The following AFF2 variants were observed in gnomAD, a reference collection of about 807,000 sequenced individuals.
AFF2 encodes ALF transcription elongation factor 2, also known as AF4/FMR2 family member 2.
Under a neutral mutation model 76.9 loss-of-function variants are expected in AFF2, and 14 were observed. That is an observed-to-expected ratio of 0.18 (90% CI 0.12 to 0.28). The LOEUF is 0.28. Among genes scored for constraint, AFF2 ranks in the 10% least tolerant of loss-of-function variants. AFF2 has a pLI of 1.00. For synonymous variants in AFF2, 398 were observed against 366.7 expected, an observed-to-expected ratio of 1.09 and a Z score of -0.98; for missense variants, 868 against 1,001.1, an observed-to-expected ratio of 0.87 and a Z score of 1.79.
At chrX:148,923,611 T>TA (rs3216391) in intron 9 of AFF2, among the ~76,000 whole-genome samples, 156 of 104,977 alleles carry the variant, frequency 1.5e-3, no homozygotes, top group Middle Eastern at 4.9e-3. Context: ...GGGCATGTGT[T>TA]AAAAAAAAAA....
At chrX:148,569,138 A>G (rs981029356) in intron 1 of AFF2, among the ~76,000 whole-genome samples, 4 of 110,720 alleles carry the variant, frequency 3.6e-5, no homozygotes, top group African/African-American at 1.3e-4. Context: ...AAATGGTAGT[A>G]GTAAAAATGA....
chrX:148,773,352 A>G (rs896591213), intron 3 of AFF2, among the ~76,000 whole-genome samples: 1 of 110,909 alleles, frequency 9.0e-6, no homozygotes, highest in Non-Finnish European at 1.9e-5. Flanking sequence ...AATAGTGACT[A>G]TATATTTCAT....
At chrX:148,738,403 T>A (rs1266240281) in intron 3 of AFF2, among the ~76,000 whole-genome samples, 2 of 111,366 alleles carry the variant, frequency 1.8e-5, no homozygotes, top group Admixed American at 9.6e-5. Flanking sequence ...AGTTTATGTG[T>A]GTAAAGGTGT....
chrX:148,878,726 C>G (rs1298587760), intron 7 of AFF2, among the ~76,000 whole-genome samples: 1 of 111,624 alleles, frequency 9.0e-6, no homozygotes, highest in Non-Finnish European at 1.9e-5. Context: ...GTTTTCAGGC[C>G]CAGGTTGATC....
intron 19 of AFF2, among the ~76,000 whole-genome samples, chrX:148,984,014 C>G (rs1329138555): frequency 2.3e-5 from 2 of 87,205 alleles, no homozygotes; most frequent in African/African-American, 8.3e-5. Context: ...AAGATAACAA[C>G]AAACATGTGG....
chrX:148,861,378 T>C (rs2070846564), intron 7 of AFF2, among the ~76,000 whole-genome samples: 1 of 112,160 alleles, frequency 8.9e-6, no homozygotes, highest in African/African-American at 3.2e-5. Flanking sequence ...TAGATTCTCT[T>C]TTTCTAAATC....
rs782285458 is a variant in AFF2 at position 148,958,318 on chromosome X, A to T, written c.2569-19A>T. The stretch of plus-strand genomic sequence containing the variant: ...GTGCCATGCATTTCAAGCTCTGTGT[A>T]TTTTTTTCCCTGTTAAAGCCAATAG... On this transcript the variant is annotated intron_variant, in intron 11 of 20. Transcript: ENST00000370460. 2.5e-6 allele frequency: 3 copies of T among 1,209,578 alleles called. No homozygotes were observed. In the East Asian group the frequency reaches 8.9e-5, roughly 36 times the overall value.
At chrX:148,978,971 T>C (rs1288742398) in intron 18 of AFF2, among the ~76,000 whole-genome samples, 1 of 111,869 alleles carries the variant, frequency 8.9e-6, no homozygotes, top group Non-Finnish European at 1.9e-5. Flanking sequence ...CAAAGCCATA[T>C]CGTAGGGAGC....
chrX:148,561,952 C>A (rs1302562874), intron 1 of AFF2, among the ~76,000 whole-genome samples: 1 of 111,375 alleles, frequency 9.0e-6, no homozygotes, highest in Admixed American at 9.5e-5. Flanking sequence ...AAGTAAAAGT[C>A]AATGTTGAAG....
chrX:148,734,308 A>G (rs1030045701), intron 3 of AFF2, among the ~76,000 whole-genome samples: 1 of 112,106 alleles, frequency 8.9e-6, no homozygotes, highest in African/African-American at 3.2e-5. Context: ...AATAGTTAAT[A>G]GGCATATATT....
chrX:148,546,494 T>G (rs2052922248), intron 1 of AFF2, among the ~76,000 whole-genome samples: 1 of 112,554 alleles, frequency 8.9e-6, no homozygotes, highest in Non-Finnish European at 1.9e-5. Context: ...GTCATATGCT[T>G]TCTTTCTGCA....
At chrX:148,933,331 G>A (rs1557284596) in intron 9 of AFF2, among the ~76,000 whole-genome samples, 1 of 111,936 alleles carries the variant, frequency 8.9e-6, no homozygotes, top group African/African-American at 3.3e-5. Context: ...TACAAGAGCT[G>A]GTAGGCCATT....
intron 19 of AFF2, 67 bp downstream of exon 19, chrX:148,980,857 A>G: frequency 1.2e-6 from 1 of 862,931 alleles, no homozygotes; most frequent in Non-Finnish European, 1.7e-6. Context: ...GATATTTTGC[A>G]TTGACAAGTC....
At chrX:148,779,392 T>C (rs782707921) in intron 3 of AFF2, among the ~76,000 whole-genome samples, 1 of 111,818 alleles carries the variant, frequency 8.9e-6, no homozygotes, top group East Asian at 2.8e-4. Context: ...AAGTCCTGAA[T>C]ATCCTTGTTA....
chrX:148,943,692 CA>C (rs1557285848), intron 9 of AFF2, among the ~76,000 whole-genome samples: 1 of 112,003 alleles, frequency 8.9e-6, no homozygotes, highest in Non-Finnish European at 1.9e-5. Flanking sequence ...ACCATAGAGT[CA>C]CAGAGCAATA....
At chrX:148,962,978 A>G (rs1557288298) in intron 13 of AFF2, 41 bp downstream of exon 13, 2 of 973,351 alleles carry the variant, frequency 2.1e-6, no homozygotes, top group Admixed American at 4.5e-5. Flanking sequence ...TCAGGTAGAA[A>G]CAAGTTAACC....
intron 3 of AFF2, among the ~76,000 whole-genome samples, chrX:148,748,249 T>C (rs1557266234): frequency 1.8e-5 from 2 of 112,207 alleles, no homozygotes; most frequent in African/African-American, 6.5e-5. Flanking sequence ...AAGGGCTGTG[T>C]TTGTCAGCCT....
intron 1 of AFF2, among the ~76,000 whole-genome samples, chrX:148,576,599 T>G: frequency 9.0e-6 from 1 of 111,438 alleles, no homozygotes; most frequent in East Asian, 2.8e-4. Context: ...GGCATGGTCT[T>G]CTTGAATAAT....
intron 7 of AFF2, among the ~76,000 whole-genome samples, chrX:148,869,336 A>G (rs1159510292): frequency 8.9e-6 from 1 of 112,087 alleles, no homozygotes; most frequent in Non-Finnish European, 1.9e-5. Context: ...AGATACTAAA[A>G]AGCACAGAAT....
Sources: gnomAD v4.1 joint callset for allele counts (sites outside exome capture counted in the v4.1 genomes callset) on GRCh38, gnomAD v4.1.1 for gene constraint, MANE v1.5 for transcripts, NCBI Gene and HGNC (gene_info 2026-07-23, HGNC 2026-07-21) for gene names.